FAM184B: variants seen among roughly 807,000 people sequenced by gnomAD.
FAM184B encodes the protein protein FAM184B.
FAM184B carries 111 observed loss-of-function variants against 135.9 expected under a neutral mutation model. That is an observed-to-expected ratio of 0.82 (90% CI 0.70 to 0.96). The LOEUF is 0.96. Among genes scored for constraint, FAM184B ranks in the 40% least tolerant of loss-of-function variants. The pLI, the probability that FAM184B is intolerant of heterozygous loss-of-function variation, is 0.00. For missense variants in FAM184B, 1,375 were observed against 1,323.9 expected (o/e 1.04, Z -0.60); for synonymous variants, 552 against 524.8 (o/e 1.05, Z -0.71).
At chr4:17,657,344 A>G (rs1715798157) in intron 10 of FAM184B, among the ~76,000 whole-genome samples, 1 of 152,190 alleles carries the variant, frequency 6.6e-6, no homozygotes, top group South Asian at 2.1e-4. Context: ...GCCTGGACTG[A>G]GCTGTTGTCC....
At chr4:17,748,699 T>C (rs922914499) in intron 1 of FAM184B, among the ~76,000 whole-genome samples, 1 of 151,934 alleles carries the variant, frequency 6.6e-6, no homozygotes, top group African/African-American at 2.4e-5. Context: ...TAATTTCTTG[T>C]AGACACGAGG....
At chr4:17,735,633 T>A (rs13104297) in intron 1 of FAM184B, among the ~76,000 whole-genome samples, 1 of 150,524 alleles carries the variant, frequency 6.6e-6, no homozygotes, top group Non-Finnish European at 1.5e-5. Flanking sequence ...AATCTAAGGA[T>A]GACAAATATG....
rs939302642 is a variant in FAM184B at position 17,630,581 on chromosome 4, T to G, written c.*1951A>C. The stretch of plus-strand genomic sequence containing the variant: ...TAAATTATCCAGTATAAGTAAGATA[T>G]TTTGTTAGAGCAGCCTGAACGAACT... On this transcript the variant is annotated 3_prime_UTR_variant, in exon 18 of 18. Coordinates refer to ENST00000265018, the MANE Select transcript of FAM184B (RefSeq NM_015688.2). 6.6e-6 allele frequency: 1 copy of G among 152,194 alleles called. No homozygotes were observed. Among genetic ancestry groups the G allele is most frequent in the African/African-American group, 2.4e-5 (1 of 41,444 alleles). 9.4% of individuals were successfully genotyped at this position (152,194 alleles called of 1,614,324 possible). A position where few individuals can be genotyped will look rare whatever the true frequency, so the allele number is the denominator to read the frequency against.
At chr4:17,636,328 C>T (rs1240610055) in intron 15 of FAM184B, among the ~76,000 whole-genome samples, 200 bp downstream of exon 15, 2 of 152,210 alleles carry the variant, frequency 1.3e-5, no homozygotes, top group African/African-American at 4.8e-5. Context: ...GTCCCGAACT[C>T]CTGACCTCAA....
chr4:17,660,080 C>T lies in FAM184B; in HGVS notation c.1702G>A (p.Val568Met). The T allele has an allele frequency of 6.4e-7, 1 of 1,551,454 alleles. No individual in the cohort carries two copies. Among genetic ancestry groups the T allele is most frequent in the East Asian group, 2.4e-5 (1 of 40,896 alleles). ...TSSDEEERTK[V>M]LLKEGSDPQP... ...GGGTCACTTCCCTCCTTGAGAAGCA[C>T]TTTGGTCCTTTGAAGATAAGGATGC... Residue 568 changes from valine (V) to methionine (M), a missense_variant, in exon 9 of 18, where the codon GTG becomes ATG. Coordinates refer to ENST00000265018, the MANE Select transcript of FAM184B (RefSeq NM_015688.2).
chr4:17,662,976 T>G (rs987826328), intron 8 of FAM184B, among the ~76,000 whole-genome samples: 1 of 152,008 alleles, frequency 6.6e-6, no homozygotes, highest in African/African-American at 2.4e-5. Context: ...TGCTCTGTTG[T>G]CCAGGCTGGA....
Position 17,659,951 on chromosome 4 carries a change from G to A in FAM184B, c.1824+7C>T. The stretch of plus-strand genomic sequence containing the variant: ...AAGGGGGCACATCCCCACCAGGGTT[G>A]TCCTACCTGGGCTTGCAATTTGGCC... On this transcript the variant is annotated splice_region_variant and intron_variant, in intron 9 of 17. Coordinates refer to ENST00000265018, the MANE Select transcript of FAM184B (RefSeq NM_015688.2). 6.4e-7 allele frequency: 1 copy of A among 1,550,480 alleles called. No homozygotes were observed. Among genetic ancestry groups the A allele is most frequent in the Non-Finnish European group, 8.7e-7 (1 of 1,146,946 alleles).
chr4:17,708,872 A>C lies in FAM184B; in HGVS notation c.894+20T>G, dbSNP rs201733043. 9.3e-4 allele frequency: 1,379 copies of C among 1,482,980 alleles called. 1 individual carries two copies. Among genetic ancestry groups the C allele is most frequent in the Middle Eastern group, 3.9e-3 (22 of 5,624 alleles). The allele number at this position is 1,482,980 out of a possible 1,614,324, so 91.9% of individuals were successfully genotyped here. ...TGCTGATTTATCCCTTTGGGGTTGTAAGAAGAGATGCTGCTTTACCTGAAT... is the reference window on the plus strand; with the variant it reads ...TGCTGATTTATCCCTTTGGGGTTGTCAGAAGAGATGCTGCTTTACCTGAAT... On this transcript the variant is annotated intron_variant, in intron 2 of 17. Transcript: ENST00000265018.
chr4:17,690,058 G>C (rs1030047767), intron 6 of FAM184B, among the ~76,000 whole-genome samples: 6 of 151,964 alleles, frequency 3.9e-5, no homozygotes, highest in Non-Finnish European at 8.8e-5. Context: ...TGAGGCAGAA[G>C]AATTGCTTGA....
intron 14 of FAM184B, among the ~76,000 whole-genome samples, chr4:17,637,276 C>G (rs112015035): frequency 0.054 from 8,245 of 152,316 alleles, 315 homozygotes; most frequent in Non-Finnish European, 0.081. Flanking sequence ...ATCCGCCCTC[C>G]TGGGCCTCCC....
rs1717808070 is a variant in FAM184B at position 17,732,588 on chromosome 4, A to G, written c.142-22944T>C. On this transcript the variant is annotated intron_variant, in intron 1 of 17. Coordinates refer to ENST00000265018, the MANE Select transcript of FAM184B (RefSeq NM_015688.2). ...ACACAGATAAACTAGAAAATCTGGAAGAAATGGATAAATTCCTGGACACAT... is the reference window on the plus strand; with the variant it reads ...ACACAGATAAACTAGAAAATCTGGAGGAAATGGATAAATTCCTGGACACAT... Among the ~76,000 whole-genome samples the G allele has an allele frequency of 2.0e-5, 3 of 152,250 alleles. No homozygotes were observed. The South Asian group carries it at 6.2e-4, about 31-fold the overall frequency.
At chr4:17,704,878 C>T (rs1717071090) in intron 5 of FAM184B, 122 bp downstream of exon 5, 1 of 827,880 alleles carries the variant, frequency 1.2e-6, no homozygotes, top group South Asian at 1.8e-5. Context: ...AATAAGCTTA[C>T]ATTTGTACAG....
intron 1 of FAM184B, among the ~76,000 whole-genome samples, chr4:17,732,334 T>C (rs1717800960): frequency 6.6e-6 from 1 of 151,764 alleles, no homozygotes; most frequent in Non-Finnish European, 1.5e-5. Flanking sequence ...ATAACTAAAA[T>C]CAGAGCAGAA....
chr4:17,745,666 C>T (rs777797803), intron 1 of FAM184B, among the ~76,000 whole-genome samples: 4 of 152,180 alleles, frequency 2.6e-5, no homozygotes, highest in Non-Finnish European at 5.9e-5. Flanking sequence ...TTACCTTTCA[C>T]AGATATTTCT....
rs1478785699 is a variant in FAM184B, at chr4:17,705,777, C to T, written c.1145G>A (p.Cys382Tyr). 4 of 1,551,830 alleles carry T rather than the reference C, an allele frequency of 2.6e-6. No homozygotes were observed. The East Asian group carries it at 9.8e-5, about 38-fold the overall frequency. ...QDQSCLKECPCMKGGTDMQTK... is the reference protein window; with the variant it reads ...QDQSCLKECPYMKGGTDMQTK... ...CTGCATATCTGTGCCTCCTTTCATG[C>T]AAGGGCACTCCTTGAGACAGCTTTG... Residue 382 changes from cysteine (C) to tyrosine (Y), a missense_variant, in exon 4 of 18, where the codon TGC becomes TAC. By Grantham distance (194) the Cys-to-Tyr change is radical. Coordinates refer to ENST00000265018, the MANE Select transcript of FAM184B (RefSeq NM_015688.2).
At chr4:17,756,224 C>T (rs542774204) in intron 1 of FAM184B, among the ~76,000 whole-genome samples, 2 of 152,160 alleles carry the variant, frequency 1.3e-5, no homozygotes, top group South Asian at 4.2e-4. Flanking sequence ...ACAAGATGAT[C>T]CTCAAATATC....
intron 7 of FAM184B, among the ~76,000 whole-genome samples, chr4:17,666,463 CTGGTTCTTTTTT>C (rs1331116726): frequency 1.2e-5 from 1 of 83,586 alleles, no homozygotes; most frequent in East Asian, 3.5e-4. Flanking sequence ...GCCACTGTGC[CTGGTTCTTTTTT>C]TTTTTTTTTT....
intron 1 of FAM184B, among the ~76,000 whole-genome samples, chr4:17,760,637 C>T (rs2108992345): frequency 6.6e-6 from 1 of 152,194 alleles, no homozygotes; most frequent in African/African-American, 2.4e-5. Flanking sequence ...ACAGCCTATC[C>T]ATAAGACATT....
chr4:17,709,832 G>A (rs1384163367), intron 1 of FAM184B, among the ~76,000 whole-genome samples, 188 bp from the exon 2 acceptor site: 2 of 152,180 alleles, frequency 1.3e-5, no homozygotes, highest in African/African-American at 4.8e-5. Context: ...TGCAAAGTGC[G>A]ACAGGGAAGG....
Sources: allele counts gnomAD v4.1 joint callset (sites outside exome capture counted in the v4.1 genomes callset), GRCh38; gene constraint gnomAD v4.1.1; transcripts MANE v1.5; gene names NCBI Gene and HGNC (gene_info 2026-07-23, HGNC 2026-07-21).